The following ZDHHC15 variants were observed in gnomAD, a reference collection of about 807,000 sequenced individuals.
ZDHHC15 encodes the protein palmitoyltransferase ZDHHC15.
In ZDHHC15, 19 loss-of-function variants were observed where a neutral mutation model predicts 31.7. The ratio of observed to expected loss-of-function variants is 0.60; its 90% CI spans 0.42 to 0.88. The LOEUF is 0.88. ZDHHC15 is among the 40% of genes least tolerant of loss of function. The pLI, the probability that ZDHHC15 is intolerant of heterozygous loss-of-function variation, is 0.00. For synonymous variants in ZDHHC15, 103 were observed against 90.0 expected (o/e 1.14, Z -0.82); for missense variants, 209 against 251.2 (o/e 0.83, Z 1.14).
intron 4 of ZDHHC15, among the ~76,000 whole-genome samples, chrX:75,432,086 G>T (rs1057151078): frequency 4.5e-5 from 5 of 111,828 alleles, no homozygotes; most frequent in African/African-American, 1.6e-4. Context: ...GCAAGTTGCT[G>T]GCAGGGCTGT....
intron 10 of ZDHHC15, among the ~76,000 whole-genome samples, chrX:75,409,479 C>A (rs1426613381): frequency 1.8e-5 from 1 of 54,649 alleles, no homozygotes; most frequent in Non-Finnish European, 3.2e-5. Flanking sequence ...CCAAGGAAGT[C>A]CCTGCCAAAA....
intron 4 of ZDHHC15, among the ~76,000 whole-genome samples, chrX:75,434,393 C>T (rs2083822886): frequency 8.9e-6 from 1 of 111,920 alleles, no homozygotes; most frequent in Admixed American, 9.5e-5. Context: ...GGTTCTTGGT[C>T]ATGAACTATT....
intron 4 of ZDHHC15, among the ~76,000 whole-genome samples, chrX:75,445,742 C>A (rs1263980377): frequency 1.8e-5 from 2 of 111,667 alleles, no homozygotes; most frequent in African/African-American, 6.5e-5. Flanking sequence ...GAATTGGATC[C>A]TGTAAGTTAG....
chrX:75,483,409 CA>C lies in ZDHHC15; in HGVS notation c.164-4425del, dbSNP rs748186232. Reference sequence around the variant, plus strand: ...GCAGAAAAGTAAGACCCTATCACTACAAAAAAAATTATCTGGGCATGGTGGC... The same window carrying C: ...GCAGAAAAGTAAGACCCTATCACTACAAAAAAATTATCTGGGCATGGTGGC... On this transcript the variant is annotated intron_variant, in intron 2 of 11. Coordinates refer to ENST00000373367, the MANE Select transcript of ZDHHC15 (RefSeq NM_144969.3). Among the ~76,000 whole-genome samples, 450 of 108,970 alleles carry C rather than the reference CA, an allele frequency of 4.1e-3. 3 individuals are homozygous for C. The highest frequency in any genetic ancestry group is 0.014 in the African/African-American group (421 of 29,926). The allele number at this position is 108,970 out of a possible 115,157, so 94.6% of individuals were successfully genotyped here. A position where few individuals can be genotyped will look rare whatever the true frequency, so the allele number is the denominator to read the frequency against.
At chrX:75,489,753 C>T (rs777700936) in intron 2 of ZDHHC15, among the ~76,000 whole-genome samples, 1 of 112,275 alleles carries the variant, frequency 8.9e-6, no homozygotes, top group Non-Finnish European at 1.9e-5. Context: ...ATGACTTTGA[C>T]GAGTTGAGAG....
chrX:75,429,165 T>C lies in ZDHHC15; in HGVS notation c.516A>G (p.Lys172=), dbSNP rs1443420216. Residue 172 remains lysine (K), a synonymous_variant, in exon 7 of 12, where the codon AAA becomes AAG. Coordinates refer to ENST00000373367, the MANE Select transcript of ZDHHC15 (RefSeq NM_144969.3). ...AGTAAGCTAAGAATTGAAGGAAGAA[T>C]TTGTAGTTGGAAAATCCAATGCAGT... ...VNNCIGFSNY[K]FFLQFLAYSV... is the part of the protein sequence containing the mutation. 1 of 1,206,249 alleles carries C rather than the reference T, an allele frequency of 8.3e-7. No individual in the cohort carries two copies. Among genetic ancestry groups the C allele is most frequent in the Admixed American group, 2.2e-5 (1 of 44,921 alleles).
intron 11 of ZDHHC15, among the ~76,000 whole-genome samples, chrX:75,373,874 A>C (rs1247348482): frequency 5.9e-5 from 6 of 101,355 alleles, no homozygotes; most frequent in African/African-American, 2.1e-4. Flanking sequence ...ATTATTTTTG[A>C]CTATAGTTAC....
intron 10 of ZDHHC15, among the ~76,000 whole-genome samples, chrX:75,402,856 A>G (rs2083371824): frequency 9.0e-6 from 1 of 110,756 alleles, no homozygotes; most frequent in Admixed American, 9.6e-5. Flanking sequence ...ATGAGGAGGA[A>G]GGACTCCTCT....
At chrX:75,443,362 T>C (rs1023520452) in intron 4 of ZDHHC15, among the ~76,000 whole-genome samples, 3 of 111,197 alleles carry the variant, frequency 2.7e-5, no homozygotes, top group African/African-American at 9.8e-5. Flanking sequence ...AAAGAAGAAA[T>C]GGGGAAAGCA....
intron 2 of ZDHHC15, among the ~76,000 whole-genome samples, chrX:75,481,693 G>C (rs1025262871): frequency 8.9e-6 from 1 of 111,748 alleles, no homozygotes; most frequent in Non-Finnish European, 1.9e-5. Context: ...GGCCCAGAGG[G>C]GCAAGTGATT....
intron 3 of ZDHHC15, among the ~76,000 whole-genome samples, chrX:75,452,892 T>G (rs978306519): frequency 2.4e-4 from 27 of 111,526 alleles, no homozygotes; most frequent in Admixed American, 1.1e-3. Context: ...AGTGTGTAGA[T>G]GGAAATTTAT....
chrX:75,461,105 C>T (rs904685188), intron 3 of ZDHHC15, among the ~76,000 whole-genome samples: 5 of 111,754 alleles, frequency 4.5e-5, no homozygotes, highest in South Asian at 3.7e-4. Context: ...ACCGACATGA[C>T]GGAGCTAGAA....
At chrX:75,471,821 T>G (rs945561158) in intron 3 of ZDHHC15, among the ~76,000 whole-genome samples, 1 of 111,546 alleles carries the variant, frequency 9.0e-6, no homozygotes, top group Non-Finnish European at 1.9e-5. Context: ...TTTGGAGCCT[T>G]TGGCAGGCTC....
chrX:75,386,318 C>G (rs1247875573), intron 10 of ZDHHC15, among the ~76,000 whole-genome samples: 1 of 111,781 alleles, frequency 8.9e-6, no homozygotes, highest in East Asian at 2.8e-4. Flanking sequence ...GTTGTATTAG[C>G]ACACTCAAGA....
At chrX:75,488,912 T>C (rs1245766604) in intron 2 of ZDHHC15, among the ~76,000 whole-genome samples, 1 of 112,020 alleles carries the variant, frequency 8.9e-6, no homozygotes, top group African/African-American at 3.2e-5. Flanking sequence ...ATACTGCACT[T>C]TTCCAATGGT....
At chrX:75,418,623 G>GAA (rs1439594531) in intron 9 of ZDHHC15, among the ~76,000 whole-genome samples, 1 of 111,698 alleles carries the variant, frequency 9.0e-6, no homozygotes, top group African/African-American at 3.3e-5. Context: ...CAGATATATA[G>GAA]GCCAATGGAA....
At chrX:75,449,037 G>T (rs947316597) in intron 4 of ZDHHC15, among the ~76,000 whole-genome samples, 1 of 110,537 alleles carries the variant, frequency 9.0e-6, no homozygotes, top group Admixed American at 9.8e-5. Flanking sequence ...TCTGCCATTA[G>T]ACTGGGGCTT....
At chrX:75,423,240 A>T (rs1472776114) in intron 8 of ZDHHC15, among the ~76,000 whole-genome samples, 1 of 107,936 alleles carries the variant, frequency 9.3e-6, no homozygotes, top group African/African-American at 3.4e-5. Flanking sequence ...TAAATGTGCA[A>T]GTTTGTTATA....
intron 10 of ZDHHC15, among the ~76,000 whole-genome samples, chrX:75,409,237 A>T (rs1262430853): frequency 4.5e-5 from 5 of 111,802 alleles, no homozygotes; most frequent in African/African-American, 1.6e-4. Flanking sequence ...CATGCCTGTA[A>T]TCCCAGCATT....
Sources: allele counts gnomAD v4.1 joint callset (sites outside exome capture counted in the v4.1 genomes callset), GRCh38; gene constraint gnomAD v4.1.1; transcripts MANE v1.5; gene names NCBI Gene and HGNC (gene_info 2026-07-23, HGNC 2026-07-21).